ADAMTSL1: variants seen among roughly 807,000 people sequenced by gnomAD.
ADAMTSL1 encodes ADAMTS like 1.
A neutral mutation model predicts 201.8 loss-of-function variants in ADAMTSL1; 126 were observed. That is an observed-to-expected ratio of 0.62 (90% confidence interval 0.54 to 0.72). The LOEUF (loss-of-function observed/expected upper bound fraction) is 0.72, where lower values mean the gene tolerates loss of function less well. ADAMTSL1 is among the 30% of genes least tolerant of loss of function. The pLI, the probability that ADAMTSL1 is intolerant of heterozygous loss-of-function variation, is 0.00. For missense variants in ADAMTSL1, 2,679 were observed against 2,277.8 expected (o/e 1.18, Z -3.59); for synonymous variants, 1,121 against 903.4 (o/e 1.24, Z -4.32).
At chr9:18,391,917 T>C (rs953478091) in intron 2 of ADAMTSL1, among the ~76,000 whole-genome samples, 2 of 146,246 alleles carry the variant, frequency 1.4e-5, no homozygotes, top group Non-Finnish European at 3.0e-5. Flanking sequence ...CTCTGCCTCC[T>C]GGGTTCACGC....
intron 2 of ADAMTSL1, among the ~76,000 whole-genome samples, chr9:18,344,082 G>T (rs992667412): frequency 1.3e-5 from 2 of 152,070 alleles, no homozygotes; most frequent in African/African-American, 2.4e-5. Flanking sequence ...CAGTCCTAAA[G>T]GCTGTCTATG....
chr9:18,037,311 A>G (rs975142113), intron 1 of ADAMTSL1, among the ~76,000 whole-genome samples: 1 of 152,166 alleles, frequency 6.6e-6, no homozygotes, highest in Admixed American at 6.6e-5. Context: ...TTTCACAGAT[A>G]AAAGATCACA....
intron 21 of ADAMTSL1, among the ~76,000 whole-genome samples, chr9:18,825,468 C>T (rs989168907): frequency 2.0e-5 from 3 of 152,180 alleles, no homozygotes; most frequent in African/African-American, 7.2e-5. Context: ...GATATGCAGG[C>T]TTCCAAAAAT....
chr9:18,570,045 G>A (rs1334085580), intron 3 of ADAMTSL1, among the ~76,000 whole-genome samples: 1 of 151,994 alleles, frequency 6.6e-6, no homozygotes, highest in Admixed American at 6.6e-5. Flanking sequence ...AAAACAGTTA[G>A]GTTATCAGTT....
At chr9:17,955,021 A>C (rs2131382482) in intron 1 of ADAMTSL1, among the ~76,000 whole-genome samples, 1 of 152,306 alleles carries the variant, frequency 6.6e-6, no homozygotes, top group Admixed American at 6.5e-5. Flanking sequence ...ATGTGGCCCC[A>C]GTTAAAAATA....
chr9:17,941,034 T>C (rs1284202612), intron 1 of ADAMTSL1, among the ~76,000 whole-genome samples: 1 of 143,662 alleles, frequency 7.0e-6, no homozygotes, highest in African/African-American at 2.5e-5. Flanking sequence ...TCTTTGTTTT[T>C]TAATAAGAGT....
rs10810889 is a variant in ADAMTSL1, at chr9:18,033,618, A to G, written c.87+126696A>G. Among the ~76,000 whole-genome samples the G allele has an allele frequency of 0.019, 2,839 of 152,282 alleles. 337 individuals are homozygous for G. In the East Asian group the frequency reaches 0.35, roughly 19 times the overall value. ...TGACTTTGATGGTAACCATCCTTTG[A>G]TACAGAAATGGAAACAATCTCTCAA... On this transcript the variant is annotated intron_variant, in intron 1 of 29. Coordinates refer to the ADAMTSL1 transcript ENST00000680146.
chr9:18,263,440 T>C (rs1831999240), intron 2 of ADAMTSL1, among the ~76,000 whole-genome samples: 1 of 152,214 alleles, frequency 6.6e-6, no homozygotes, highest in Non-Finnish European at 1.5e-5. Context: ...TCTTCAATGT[T>C]GGCGTCACCT....
At chr9:18,242,816 A>C (rs958009374) in intron 2 of ADAMTSL1, among the ~76,000 whole-genome samples, 2 of 152,130 alleles carry the variant, frequency 1.3e-5, no homozygotes, top group African/African-American at 2.4e-5. Flanking sequence ...TCTACACTGA[A>C]ACTATAACAT....
intron 1 of ADAMTSL1, among the ~76,000 whole-genome samples, chr9:17,987,928 C>T (rs992184064): frequency 6.6e-6 from 1 of 152,024 alleles, no homozygotes; most frequent in South Asian, 2.1e-4. Flanking sequence ...AGACCCCATC[C>T]CAGAATCCTG....
intron 23 of ADAMTSL1, among the ~76,000 whole-genome samples, chr9:18,843,761 C>T (rs1389870757): frequency 6.6e-6 from 1 of 150,664 alleles, no homozygotes; most frequent in Non-Finnish European, 1.5e-5. Flanking sequence ...TCTAAACTTC[C>T]CTTCTCACTT....
At chr9:18,907,200 C>T (rs1830365455) in intron 28 of ADAMTSL1, 1 of 438,198 alleles carries the variant, frequency 2.3e-6, no homozygotes, top group South Asian at 2.7e-5. Context: ...AGTTCCCCTG[C>T]AGTCAGTCTG....
chr9:18,221,009 A>G (rs569439124), intron 2 of ADAMTSL1, among the ~76,000 whole-genome samples: 2 of 152,188 alleles, frequency 1.3e-5, no homozygotes, highest in South Asian at 2.1e-4. Context: ...TCATGAGCCT[A>G]AGAGACCCAC....
At chr9:18,712,148 A>G (rs1446040301) in intron 14 of ADAMTSL1, among the ~76,000 whole-genome samples, 5 of 152,192 alleles carry the variant, frequency 3.3e-5, no homozygotes, top group Non-Finnish European at 5.9e-5. Context: ...AGATGGGGAA[A>G]AAAACAGAAC....
At chr9:18,161,425 T>C (rs1461980047) in intron 1 of ADAMTSL1, among the ~76,000 whole-genome samples, 1 of 152,110 alleles carries the variant, frequency 6.6e-6, no homozygotes, top group African/African-American at 2.4e-5. Context: ...GTGATCACCA[T>C]TTTGGATAAT....
intron 2 of ADAMTSL1, chr9:18,362,115 T>C (rs539005305): frequency 2.6e-5 from 4 of 152,314 alleles, no homozygotes; most frequent in Admixed American, 2.6e-4. Flanking sequence ...GGTTCTTCAT[T>C]CAAACAGAAG....
intron 2 of ADAMTSL1, among the ~76,000 whole-genome samples, chr9:18,290,775 T>A (rs971648499): frequency 1.4e-5 from 1 of 71,862 alleles, no homozygotes; most frequent in Non-Finnish European, 3.1e-5. Context: ...CTGGCTTTTT[T>A]TGTGTGTTTT....
At chr9:18,039,181 G>A (rs1049931575) in intron 1 of ADAMTSL1, among the ~76,000 whole-genome samples, 3 of 152,120 alleles carry the variant, frequency 2.0e-5, no homozygotes, top group African/African-American at 7.2e-5. Flanking sequence ...TGTTGCAATA[G>A]AATGATTATC....
At position 18,461,062 on chromosome 9, in the gene ADAMTSL1, A is replaced by T. The variant is rs554618732; in HGVS notation, c.208-43767A>T. ...TTAACAAATGTAACTTTTAAAGAAA[A>T]TCCTGATTATTTTTCCACACCTCAT... On this transcript the variant is annotated intron_variant, in intron 2 of 29. Transcript: ENST00000680146. Among the ~76,000 whole-genome samples the T allele has an allele frequency of 1.2e-4, 19 of 152,288 alleles. No individual in the cohort carries two copies. The South Asian group carries it at 3.9e-3, about 32-fold the overall frequency.
Sources: allele counts gnomAD v4.1 joint callset (sites outside exome capture counted in the v4.1 genomes callset), GRCh38; gene constraint gnomAD v4.1.1; transcripts MANE v1.5; gene names NCBI Gene and HGNC (gene_info 2026-07-23, HGNC 2026-07-21).